The following GRIK3 variants were observed in gnomAD, a reference collection of about 807,000 sequenced individuals.
GRIK3 encodes the protein glutamate receptor ionotropic, kainate 3.
A neutral mutation model predicts 102.5 loss-of-function variants in GRIK3; 29 were observed. The observed-to-expected ratio is 0.28, with a 90% CI of 0.21 to 0.39. The LOEUF is 0.39. Among genes scored for constraint, GRIK3 ranks in the 10% least tolerant of loss-of-function variants. The probability of loss-of-function intolerance (pLI) is 1.00; values close to 1 mark genes in which losing one functional copy is unlikely to be tolerated. For missense variants in GRIK3, 908 were observed against 1,252.4 expected, an observed-to-expected ratio of 0.73 and a Z score of 4.15; for synonymous variants, 511 against 504.9, an observed-to-expected ratio of 1.01 and a Z score of -0.16.
At chr1:36,944,586 A>G (rs543565507) in intron 1 of GRIK3, among the ~76,000 whole-genome samples, 24 of 152,280 alleles carry the variant, frequency 1.6e-4, no homozygotes, top group African/African-American at 3.9e-4. Context: ...GGGAAGAGAA[A>G]TGGGGCCTTG....
intron 1 of GRIK3, among the ~76,000 whole-genome samples, chr1:36,931,764 C>T (rs1040263940): frequency 3.9e-5 from 6 of 151,972 alleles, no homozygotes. Flanking sequence ...CGTGTGCAGC[C>T]CCTTCTGTCT....
In GRIK3 at chr1:36,806,411, TG is replaced by T; in HGVS notation, c.2092-86del. 1 of 787,976 alleles carries T rather than the reference TG, an allele frequency of 1.3e-6. No individual in the cohort carries two copies. The allele number at this position is 787,976 out of a possible 1,614,324, so 48.8% of individuals were successfully genotyped here. ...ACCGCATACCCTGCACAACGTGGGTTGGGGCCTTGAACTCGGTCTACAATCT... is the reference window on the plus strand; with the variant it reads ...ACCGCATACCCTGCACAACGTGGGTTGGGCCTTGAACTCGGTCTACAATCT... On this transcript the variant is annotated intron_variant, in intron 13 of 15. Coordinates refer to ENST00000373091, the MANE Select transcript of GRIK3 (RefSeq NM_000831.4). This position sits in a 1 kb window ranked among gnomAD's most constrained non-coding sequence, Gnocchi z 4.0.
At position 37,034,096 on chromosome 1, in the gene GRIK3, A is replaced by G; in HGVS notation, c.13T>C (p.Trp5Arg). 2 of 1,579,492 alleles carry G rather than the reference A, an allele frequency of 1.3e-6. No individual in the cohort carries two copies. Among genetic ancestry groups the G allele is most frequent in the Non-Finnish European group, 1.7e-6 (2 of 1,162,578 alleles). Residue 5 changes from tryptophan to arginine, a missense_variant, in exon 1 of 16, where the codon TGG becomes CGG. Transcript: ENST00000373091. MTAP[W>R]RRLRSLVWEY... is the part of the protein sequence containing the mutation. ...CAAACCAGACTCCGGAGGCGCCGCC[A>G]GGGAGCGGTCATCGTTGGGCGCCGC...
chr1:36,830,426 T>C (rs577987378), intron 10 of GRIK3, among the ~76,000 whole-genome samples: 2 of 151,246 alleles, frequency 1.3e-5, no homozygotes, highest in East Asian at 3.9e-4. Flanking sequence ...TATTTGGAAA[T>C]AAGGTTTTTG....
At chr1:36,900,564 G>A (rs1641223575) in intron 1 of GRIK3, among the ~76,000 whole-genome samples, 1 of 152,194 alleles carries the variant, frequency 6.6e-6, no homozygotes, top group Non-Finnish European at 1.5e-5. Flanking sequence ...TGCATAGAGA[G>A]AAATTTATAG....
intron 9 of GRIK3, among the ~76,000 whole-genome samples, chr1:36,842,395 G>A (rs1364471233): frequency 6.6e-6 from 1 of 152,210 alleles, no homozygotes; most frequent in Non-Finnish European, 1.5e-5. Flanking sequence ...AGAGCCCAGC[G>A]ATCTGTGTTT....
intron 10 of GRIK3, among the ~76,000 whole-genome samples, chr1:36,828,200 G>A (rs1220315925): frequency 6.6e-6 from 1 of 152,112 alleles, no homozygotes; most frequent in African/African-American, 2.4e-5. Flanking sequence ...GGTGGGGTGG[G>A]AGCCTGAGTG....
intron 1 of GRIK3, among the ~76,000 whole-genome samples, chr1:36,901,216 A>T (rs1433780311): frequency 1.3e-5 from 2 of 152,216 alleles, no homozygotes; most frequent in African/African-American, 4.8e-5. Flanking sequence ...CCAAAATCAG[A>T]CAAAGACATC....
intron 3 of GRIK3, among the ~76,000 whole-genome samples, chr1:36,875,220 T>C (rs1488525256): frequency 6.6e-6 from 1 of 152,260 alleles, no homozygotes; most frequent in Non-Finnish European, 1.5e-5. Context: ...ACATTTTGAC[T>C]CCTAGGCTGT....
chr1:37,000,456 G>T (rs1642465308), intron 1 of GRIK3, among the ~76,000 whole-genome samples: 1 of 152,006 alleles, frequency 6.6e-6, no homozygotes, highest in Admixed American at 6.6e-5. Context: ...AGTTCAGAGA[G>T]GAAAATGAAG....
intron 1 of GRIK3, among the ~76,000 whole-genome samples, chr1:36,955,284 A>G (rs1198653318): frequency 6.6e-6 from 1 of 152,042 alleles, no homozygotes; most frequent in East Asian, 1.9e-4. Context: ...AGGAAGGGGC[A>G]GGTGTGGGGC....
chr1:36,821,666 T>C (rs1642697001), intron 11 of GRIK3, among the ~76,000 whole-genome samples: 1 of 152,224 alleles, frequency 6.6e-6, no homozygotes, highest in Admixed American at 6.5e-5. Context: ...AGGCCGACTT[T>C]GACTCCCATC....
chr1:36,822,867 C>T (rs1296304776), intron 11 of GRIK3, among the ~76,000 whole-genome samples: 1 of 152,178 alleles, frequency 6.6e-6, no homozygotes, highest in Non-Finnish European at 1.5e-5. Context: ...CTGCTCCCTT[C>T]CTGTTTCCTC....
chr1:36,929,092 A>C (rs1204658565), intron 1 of GRIK3, among the ~76,000 whole-genome samples: 1 of 152,196 alleles, frequency 6.6e-6, no homozygotes, highest in Non-Finnish European at 1.5e-5. Context: ...ACTGAGTCAT[A>C]GAGGGGTGAA....
At chr1:36,915,450 G>A (rs1641388508) in intron 1 of GRIK3, among the ~76,000 whole-genome samples, 1 of 152,180 alleles carries the variant, frequency 6.6e-6, no homozygotes, top group Non-Finnish European at 1.5e-5. Context: ...GTATAAACAA[G>A]CATGAAATGG....
chr1:36,971,761 T>C (rs970597771), intron 1 of GRIK3, among the ~76,000 whole-genome samples: 1 of 152,210 alleles, frequency 6.6e-6, no homozygotes, highest in Non-Finnish European at 1.5e-5. Context: ...TGAAGAAGAC[T>C]GCTGCCTGCC....
In GRIK3 at chr1:36,799,998, C is replaced by T. The variant is rs1196554049; in HGVS notation, c.*1853G>A. On this transcript the variant is annotated 3_prime_UTR_variant, in exon 16 of 16. Transcript: ENST00000373091. ...GGGGCTTTGGTGTATGTCTAGCCCT[C>T]CTCTCCCTCGTCCAATGTACATAGC... 3 of 152,160 alleles carry T rather than the reference C, an allele frequency of 2.0e-5. No homozygotes were observed. Among genetic ancestry groups the T allele is most frequent in the East Asian group, 1.9e-4 (1 of 5,190 alleles). 9.4% of individuals were successfully genotyped at this position (152,160 alleles called of 1,614,324 possible). A position where few individuals can be genotyped will look rare whatever the true frequency, so the allele number is the denominator to read the frequency against.
At chr1:36,916,630 C>T (rs897715220) in intron 1 of GRIK3, among the ~76,000 whole-genome samples, 1 of 152,164 alleles carries the variant, frequency 6.6e-6, no homozygotes, top group Admixed American at 6.5e-5. Flanking sequence ...ACAAGTTACA[C>T]CTCGGGCTGT....
intron 7 of GRIK3, among the ~76,000 whole-genome samples, chr1:36,858,629 G>A (rs1316571028): frequency 3.9e-5 from 6 of 152,178 alleles, no homozygotes; most frequent in Non-Finnish European, 8.8e-5. Context: ...CCCATGATGT[G>A]AAGATGAGTT....
Sources: gnomAD v4.1 joint callset for allele counts (sites outside exome capture counted in the v4.1 genomes callset) on GRCh38, gnomAD v4.1.1 for gene constraint, Gnocchi (gnomAD v3.1) non-coding constraint, MANE v1.5 for transcripts, NCBI Gene and HGNC (gene_info 2026-07-23, HGNC 2026-07-21) for gene names.